CDC73: variants seen among roughly 807,000 people sequenced by gnomAD.
CDC73 encodes the protein parafibromin.
In CDC73, 21 loss-of-function variants were observed where a neutral mutation model predicts 83.7. The ratio of observed to expected loss-of-function variants is 0.25; its 90% CI spans 0.18 to 0.36. The LOEUF (loss-of-function observed/expected upper bound fraction) is 0.36, where lower values mean the gene tolerates loss of function less well. Ranked by LOEUF, CDC73 falls within the 10% of genes least tolerant of loss-of-function variation. CDC73 has a pLI of 1.00. For missense variants in CDC73, 342 were observed against 653.3 expected, an observed-to-expected ratio of 0.52 and a Z score of 5.19; for synonymous variants, 224 against 212.9, an observed-to-expected ratio of 1.05 and a Z score of -0.45.
intron 10 of CDC73, among the ~76,000 whole-genome samples, chr1:193,181,900 G>A (rs1470685705): frequency 6.6e-6 from 1 of 152,078 alleles, no homozygotes; most frequent in Admixed American, 6.6e-5. Flanking sequence ...AAGAGATGAG[G>A]TGATGGATTC....
At chr1:193,247,059 G>C (rs1318020728) in intron 15 of CDC73, among the ~76,000 whole-genome samples, 2 of 152,064 alleles carry the variant, frequency 1.3e-5, no homozygotes, top group Admixed American at 1.3e-4. Flanking sequence ...TGCGTGTAAG[G>C]TACAAGGCAT....
chr1:193,125,073 G>T, intron 1 of CDC73, 39 bp from the exon 2 acceptor site: 1 of 1,007,016 alleles, frequency 9.9e-7, no homozygotes, highest in South Asian at 1.3e-5. Flanking sequence ...AGTTGAATTA[G>T]AATTGTCAGT....
At chr1:193,203,720 T>C in intron 10 of CDC73, 75 bp from the exon 11 acceptor site, 2 of 1,174,292 alleles carry the variant, frequency 1.7e-6, no homozygotes, top group Non-Finnish European at 2.5e-6. Context: ...AGATATGAGA[T>C]TTCTTTGGAA....
intron 10 of CDC73, among the ~76,000 whole-genome samples, chr1:193,191,118 C>T (rs550114977): frequency 3.9e-5 from 6 of 152,284 alleles, no homozygotes; most frequent in Non-Finnish European, 7.4e-5. Context: ...TCAGTTTTAA[C>T]GTGCACTGAA....
At chr1:193,228,126 C>G (rs1015615995) in intron 13 of CDC73, among the ~76,000 whole-genome samples, 2 of 152,058 alleles carry the variant, frequency 1.3e-5, no homozygotes, top group African/African-American at 2.4e-5. Flanking sequence ...TTTACTAATT[C>G]CAATATATAC....
At position 193,251,908 on chromosome 1, in the gene CDC73, A is replaced by C. The variant is rs1369402699; in HGVS notation, c.*1196A>C. ...TTTCCTAAAGTGTTTTTGCCATTGG[A>C]ATTTTTGCTGATCACAGTCTTATGT... On this transcript the variant is annotated 3_prime_UTR_variant, in exon 17 of 17. Coordinates refer to ENST00000367435, the MANE Select transcript of CDC73 (RefSeq NM_024529.5). 4.3e-6 allele frequency: 1 copy of C among 230,824 alleles called. No homozygotes were observed. Among genetic ancestry groups the C allele is most frequent in the African/African-American group, 2.2e-5 (1 of 45,042 alleles). The allele number at this position is 230,824 out of a possible 1,614,324, so 14.3% of individuals were successfully genotyped here.
intron 14 of CDC73, among the ~76,000 whole-genome samples, chr1:193,233,373 T>A (rs1451995808): frequency 2.0e-5 from 3 of 152,022 alleles, no homozygotes; most frequent in African/African-American, 4.8e-5. Flanking sequence ...CTATATTTTT[T>A]AAATATTCGT....
chr1:193,192,039 C>A (rs145483658), intron 10 of CDC73, among the ~76,000 whole-genome samples: 78 of 152,140 alleles, frequency 5.1e-4, no homozygotes, highest in Non-Finnish European at 7.2e-4. Flanking sequence ...TGTAAAATAT[C>A]GAAACTTAAA....
chr1:193,208,432 C>A (rs1295872113), intron 11 of CDC73, among the ~76,000 whole-genome samples: 1 of 152,140 alleles, frequency 6.6e-6, no homozygotes, highest in Non-Finnish European at 1.5e-5. Flanking sequence ...TCTAGAAATT[C>A]ATTGCTATTA....
intron 13 of CDC73, among the ~76,000 whole-genome samples, chr1:193,225,270 A>G (rs1006173200): frequency 2.0e-5 from 3 of 148,320 alleles, no homozygotes; most frequent in Admixed American, 6.8e-5. Flanking sequence ...ATATATATAT[A>G]TATCCACATA....
intron 15 of CDC73, among the ~76,000 whole-genome samples, chr1:193,249,109 C>T (rs1260919041): frequency 6.6e-6 from 1 of 151,994 alleles, no homozygotes; most frequent in African/African-American, 2.4e-5. Context: ...TCATTGTTGT[C>T]TTATTTTCAG....
intron 12 of CDC73, 124 bp downstream of exon 12, chr1:193,212,224 G>A (rs1677291680): frequency 1.1e-6 from 1 of 894,074 alleles, no homozygotes; most frequent in Admixed American, 2.2e-5. Flanking sequence ...TGATTTATTA[G>A]TGCCCAAGCC....
At chr1:193,136,095 T>A (rs1299940302) in intron 5 of CDC73, among the ~76,000 whole-genome samples, 2 of 152,182 alleles carry the variant, frequency 1.3e-5, no homozygotes, top group African/African-American at 4.8e-5. Flanking sequence ...TACAGAATTC[T>A]TTCTTTATGA....
At chr1:193,195,055 A>C (rs957978603) in intron 10 of CDC73, among the ~76,000 whole-genome samples, 2 of 152,132 alleles carry the variant, frequency 1.3e-5, no homozygotes, top group African/African-American at 4.8e-5. Context: ...GAATTGACTC[A>C]CACAGGTATG....
At chr1:193,164,437 G>C (rs1302354091) in intron 10 of CDC73, among the ~76,000 whole-genome samples, 3 of 152,152 alleles carry the variant, frequency 2.0e-5, no homozygotes, top group Non-Finnish European at 4.4e-5. Flanking sequence ...AAGCTTATGA[G>C]AGTAGCATTT....
intron 10 of CDC73, among the ~76,000 whole-genome samples, chr1:193,170,646 G>T (rs1045711324): frequency 6.6e-6 from 1 of 150,476 alleles, no homozygotes; most frequent in Non-Finnish European, 1.5e-5. Context: ...TTGTTTATTT[G>T]TTTAAGTTCC....
chr1:193,152,500 A>G, intron 10 of CDC73, 56 bp downstream of exon 10: 1 of 1,109,166 alleles, frequency 9.0e-7, no homozygotes, highest in East Asian at 2.4e-5. Flanking sequence ...TGTGAGTAGC[A>G]CATGTTGAAG....
intron 13 of CDC73, among the ~76,000 whole-genome samples, chr1:193,225,300 T>C (rs1298869012): frequency 2.7e-5 from 4 of 150,846 alleles, no homozygotes; most frequent in Non-Finnish European, 5.9e-5. Context: ...CTTTATCCGC[T>C]AGTTGATTAA....
intron 1 of CDC73, among the ~76,000 whole-genome samples, chr1:193,124,877 T>C (rs1363820481): frequency 6.6e-6 from 1 of 152,256 alleles, no homozygotes; most frequent in Non-Finnish European, 1.5e-5. Flanking sequence ...AAAAAGTTTG[T>C]AGTACCTTAG....
Sources: gnomAD v4.1 joint callset for allele counts (sites outside exome capture counted in the v4.1 genomes callset) on GRCh38, gnomAD v4.1.1 for gene constraint, MANE v1.5 for transcripts, NCBI Gene and HGNC (gene_info 2026-07-23, HGNC 2026-07-21) for gene names.